The following PNPT1 variants were observed in gnomAD, a reference collection of about 807,000 sequenced individuals.
PNPT1 encodes the protein polyribonucleotide nucleotidyltransferase 1.
A neutral mutation model predicts 119.5 loss-of-function variants in PNPT1; 53 were observed. The observed-to-expected ratio is 0.44, with a 90% CI of 0.36 to 0.56. PNPT1 has a LOEUF of 0.56. Among genes scored for constraint, PNPT1 ranks in the 20% least tolerant of loss-of-function variants. The pLI, the probability that PNPT1 is intolerant of heterozygous loss-of-function variation, is 0.00. For missense variants in PNPT1, 948 were observed against 938.5 expected (o/e 1.01, Z -0.13); for synonymous variants, 357 against 322.1 (o/e 1.11, Z -1.16).
intron 10 of PNPT1, among the ~76,000 whole-genome samples, chr2:55,671,732 G>C (rs1696920642): frequency 6.6e-6 from 1 of 152,218 alleles, no homozygotes. Context: ...TACTTGGGAG[G>C]CTGAGGCATG....
chr2:55,658,762 A>G (rs1233709723), intron 15 of PNPT1, among the ~76,000 whole-genome samples: 1 of 152,178 alleles, frequency 6.6e-6, no homozygotes, highest in African/African-American at 2.4e-5. Context: ...CAGGATATTT[A>G]TAAGGGATTC....
chr2:55,683,381 G>A (rs1222577638), intron 5 of PNPT1, among the ~76,000 whole-genome samples: 2 of 152,044 alleles, frequency 1.3e-5, no homozygotes, highest in East Asian at 1.9e-4. Flanking sequence ...TTGGGAGGCC[G>A]AGGGGGGCGG....
intron 8 of PNPT1, among the ~76,000 whole-genome samples, chr2:55,679,343 GTTAT>G (rs1559108884): frequency 1.3e-5 from 2 of 151,932 alleles, no homozygotes; most frequent in Admixed American, 6.6e-5. Context: ...TTTAAAATAA[GTTAT>G]TTAGACTAAT....
chr2:55,685,054 G>C lies in PNPT1; in HGVS notation c.298-6C>G, dbSNP rs1478541227. 14 of 1,564,254 alleles carry C rather than the reference G, an allele frequency of 8.9e-6. No individual in the cohort carries two copies. The highest frequency in any genetic ancestry group is 1.2e-5 in the Non-Finnish European group (14 of 1,150,866). On this transcript the variant is annotated splice_polypyrimidine_tract_variant and splice_region_variant and intron_variant, in intron 3 of 27. Coordinates refer to ENST00000447944, the MANE Select transcript of PNPT1 (RefSeq NM_033109.5). Reference sequence around the variant, plus strand: ...GCTTTTTGTCTGTAGTCAACCTGAAGCAGCAATAAAAAAAAGTTCATATAA... The same window carrying C: ...GCTTTTTGTCTGTAGTCAACCTGAACCAGCAATAAAAAAAAGTTCATATAA...
chr2:55,689,324 T>C (rs959990316), intron 1 of PNPT1, among the ~76,000 whole-genome samples: 1 of 152,230 alleles, frequency 6.6e-6, no homozygotes, highest in Non-Finnish European at 1.5e-5. Flanking sequence ...GGCCAGTAAG[T>C]ACATAAAAAT....
Position 55,675,234 on chromosome 2 carries a change from C to A in PNPT1, c.680-2155G>T, listed in dbSNP as rs189859576. On this transcript the variant is annotated intron_variant, in intron 8 of 27. Transcript: ENST00000447944. ...GCTACAGTGAGCCATGATCACGCCA[C>A]TATACTCATACTCTAGTCTGGACAA... Among the ~76,000 whole-genome samples the A allele has an allele frequency of 2.1e-3, 323 of 151,554 alleles. 1 individual carries two copies. Among genetic ancestry groups the A allele is most frequent in the African/African-American group, 7.6e-3 (314 of 41,310 alleles).
Position 55,687,142 on chromosome 2 carries a change from A to G in PNPT1, c.222+503T>C, listed in dbSNP as rs1330244123. ...GGCAGGAGAATGGCGTGAACCTGGG[A>G]GGCGGAGGTTGCAGTGAACCGAGAT... On this transcript the variant is annotated intron_variant, in intron 2 of 27. Coordinates refer to ENST00000447944, the MANE Select transcript of PNPT1 (RefSeq NM_033109.5). 2.1e-5 allele frequency among the ~76,000 whole-genome samples: 3 copies of G among 142,534 alleles called. No homozygotes were observed. In the East Asian group the frequency reaches 6.2e-4, roughly 30 times the overall value. 93.5% of individuals were successfully genotyped at this position (142,534 alleles called of 152,430 possible). A position where few individuals can be genotyped will look rare whatever the true frequency, so the allele number is the denominator to read the frequency against.
intron 1 of PNPT1, among the ~76,000 whole-genome samples, chr2:55,689,193 G>A (rs1572839111): frequency 6.6e-6 from 1 of 152,114 alleles, no homozygotes; most frequent in Admixed American, 6.5e-5. Flanking sequence ...TATCTGATAA[G>A]GGACTTGTGT....
chr2:55,644,766 A>G lies in PNPT1; in HGVS notation c.1823-46T>C, dbSNP rs372823345. 1.8e-5 allele frequency: 25 copies of G among 1,393,844 alleles called. No individual in the cohort carries two copies. In the African/African-American group the frequency reaches 3.4e-4, roughly 19 times the overall value. 86.3% of individuals were successfully genotyped at this position (1,393,844 alleles called of 1,614,324 possible). ...ATATATAAACAATTCAACTACATACATGAACCTAAAACATGCCATGGTCAC... is the reference window on the plus strand; with the variant it reads ...ATATATAAACAATTCAACTACATACGTGAACCTAAAACATGCCATGGTCAC... On this transcript the variant is annotated intron_variant, in intron 22 of 27. Transcript: ENST00000447944.
rs72807621 is a variant in PNPT1, at chr2:55,680,585, C to T, written c.565+127G>A. 1.6e-3 allele frequency: 1,388 copies of T among 854,182 alleles called. 6 individuals are homozygous for T. Among genetic ancestry groups the T allele is most frequent in the Middle Eastern group, 0.015 (41 of 2,766 alleles). The allele number at this position is 854,182 out of a possible 1,614,324, so 52.9% of individuals were successfully genotyped here. ...GAAAGACCTGAAAGGAGACTTAGAACGTCATCTAGTTCAATTCATGAAGAG... is the reference window on the plus strand; with the variant it reads ...GAAAGACCTGAAAGGAGACTTAGAATGTCATCTAGTTCAATTCATGAAGAG... On this transcript the variant is annotated intron_variant, in intron 7 of 27. Coordinates refer to ENST00000447944, the MANE Select transcript of PNPT1 (RefSeq NM_033109.5).
chr2:55,638,483 CA>C (rs1471416140), intron 26 of PNPT1, among the ~76,000 whole-genome samples: 1 of 151,880 alleles, frequency 6.6e-6, no homozygotes, highest in Non-Finnish European at 1.5e-5. Context: ...CCCATCTCTA[CA>C]AAAAATCCAA....
rs182583196 is a variant in PNPT1 at position 55,686,797 on chromosome 2, G to A, written c.223-353C>T. On this transcript the variant is annotated intron_variant, in intron 2 of 27. Coordinates refer to ENST00000447944, the MANE Select transcript of PNPT1 (RefSeq NM_033109.5). ...GAAAAGCACAACAGAATTTATTAAC[G>A]CATAAAACAGAAGCCCAAGTTTGGA... 2.5e-4 allele frequency among the ~76,000 whole-genome samples: 38 copies of A among 152,240 alleles called. No homozygotes were observed. The East Asian group carries it at 5.0e-3, about 20-fold the overall frequency.
chr2:55,679,698 T>C lies in PNPT1; in HGVS notation c.663A>G (p.Ala221=), dbSNP rs1331669062. ...SSTLNLVVAG[A]PKSQIVMLEA... ...ACAACTTACCAATCTGACTTTTAGG[T>C]GCTCCAGCAACCACTAAATTTAAAG... The change falls in exon 8 of 28, where the codon GCA becomes GCG. Residue 221 remains alanine (A), a synonymous_variant. Transcript: ENST00000447944. 5 of 1,607,578 alleles carry C rather than the reference T, an allele frequency of 3.1e-6. No individual in the cohort carries two copies. Among genetic ancestry groups the C allele is most frequent in the South Asian group, 2.2e-5 (2 of 90,462 alleles).
intron 8 of PNPT1, 46 bp downstream of exon 8, chr2:55,679,636 C>G (rs374579027): frequency 4.4e-6 from 6 of 1,359,580 alleles, no homozygotes; most frequent in Non-Finnish European, 6.3e-6. Flanking sequence ...GAAGCCAGAA[C>G]TTGTAAGTAA....
Position 55,656,285 on chromosome 2 carries a change from G to A in PNPT1, c.1351+20C>T. 3 of 1,611,120 alleles carry A rather than the reference G, an allele frequency of 1.9e-6. No individual in the cohort carries two copies. Among genetic ancestry groups the A allele is most frequent in the Non-Finnish European group, 2.5e-6 (3 of 1,178,634 alleles). ...AGTCTCTGTAAGAATACCGTATTAA[G>A]TTTACAGACCTGTACTTACCATGCC... is the stretch of plus-strand genomic sequence containing the variant. On this transcript the variant is annotated intron_variant, in intron 16 of 27. Transcript: ENST00000447944.
intron 8 of PNPT1, among the ~76,000 whole-genome samples, chr2:55,676,774 A>T (rs1328147282): frequency 6.6e-6 from 1 of 151,902 alleles, no homozygotes; most frequent in South Asian, 2.1e-4. Context: ...AGTCAAGAGA[A>T]TCACTTGAAC....
chr2:55,671,476 ATTTCT>A (rs1326910781), intron 10 of PNPT1, 100 bp from the exon 11 acceptor site: 5 of 638,642 alleles, frequency 7.8e-6, no homozygotes, highest in Non-Finnish European at 1.3e-5. Flanking sequence ...AATTACTCTG[ATTTCT>A]TTAATATTCT....
chr2:55,681,257 A>C (rs528907200), intron 5 of PNPT1, among the ~76,000 whole-genome samples: 1 of 152,224 alleles, frequency 6.6e-6, no homozygotes, highest in African/African-American at 2.4e-5. Context: ...AAAGACAAAA[A>C]TTAGCCGGGT....
chr2:55,651,641 A>G lies in PNPT1; in HGVS notation c.1495+3259T>C, dbSNP rs1380876013. ...TACCCAGGGACACAAACACTGCGGA[A>G]GGCCGCAGGGTCCTCTGCCTAGGAA... is the stretch of plus-strand genomic sequence containing the variant. On this transcript the variant is annotated intron_variant, in intron 18 of 27. Coordinates refer to ENST00000447944, the MANE Select transcript of PNPT1 (RefSeq NM_033109.5). Among the ~76,000 whole-genome samples the G allele has an allele frequency of 2.0e-5, 3 of 150,710 alleles. No individual in the cohort carries two copies. The East Asian group carries it at 5.8e-4, about 29-fold the overall frequency.
Sources: allele counts gnomAD v4.1 joint callset (sites outside exome capture counted in the v4.1 genomes callset), GRCh38; gene constraint gnomAD v4.1.1; transcripts MANE v1.5; gene names NCBI Gene and HGNC (gene_info 2026-07-23, HGNC 2026-07-21).